Variants in CNTNAP2 observed in about 807,000 individuals in gnomAD.
The protein encoded by CNTNAP2 is contactin associated protein 2, also known as contactin-associated protein-like 2.
A neutral mutation model predicts 155.2 loss-of-function variants in CNTNAP2; 98 were observed. The ratio of observed to expected loss-of-function variants is 0.63; its 90% CI spans 0.54 to 0.75. The LOEUF is 0.75. CNTNAP2 is among the 30% of genes least tolerant of loss of function. The probability of loss-of-function intolerance (pLI) is 0.00; values close to 1 mark genes in which losing one functional copy is unlikely to be tolerated. For synonymous variants in CNTNAP2, 651 were observed against 631.2 expected (o/e 1.03, Z -0.47); for missense variants, 1,727 against 1,688.1 (o/e 1.02, Z -0.40).
intron 4 of CNTNAP2, among the ~76,000 whole-genome samples, chr7:147,104,391 A>G (rs549676290): frequency 6.6e-6 from 1 of 152,130 alleles, no homozygotes; most frequent in Non-Finnish European, 1.5e-5. Context: ...CAAACTATAT[A>G]CAGTATTATC....
At chr7:146,434,535 A>G (rs1214545629) in intron 1 of CNTNAP2, among the ~76,000 whole-genome samples, 2 of 152,178 alleles carry the variant, frequency 1.3e-5, no homozygotes, top group Non-Finnish European at 2.9e-5. Context: ...TATAAAACAT[A>G]GAACAGAGTT....
intron 3 of CNTNAP2, among the ~76,000 whole-genome samples, chr7:146,923,650 T>C (rs1370904237): frequency 1.3e-5 from 2 of 152,188 alleles, no homozygotes; most frequent in African/African-American, 4.8e-5. Flanking sequence ...TATTATTGTT[T>C]GGCTGCTTTT....
chr7:148,247,625 CTATTTA>C (rs1216626054), intron 20 of CNTNAP2, among the ~76,000 whole-genome samples: 3 of 105,314 alleles, frequency 2.8e-5, no homozygotes, highest in African/African-American at 7.7e-5. Context: ...CTCTCTCTCT[CTATTTA>C]TTTATTTATT....
intron 13 of CNTNAP2, among the ~76,000 whole-genome samples, chr7:147,900,084 T>A (rs1386479315): frequency 1.3e-5 from 2 of 152,142 alleles, no homozygotes; most frequent in African/African-American, 2.4e-5. Context: ...TTCCCCATCT[T>A]AATAGACTTC....
chr7:147,594,340 G>A (rs1427560310), intron 12 of CNTNAP2, among the ~76,000 whole-genome samples: 1 of 152,060 alleles, frequency 6.6e-6, no homozygotes, highest in African/African-American at 2.4e-5. Flanking sequence ...GTGGCTTCAG[G>A]AGCTGGCAGT....
chr7:146,940,191 TTTTTTA>T (rs1797021009), intron 3 of CNTNAP2, among the ~76,000 whole-genome samples: 3 of 152,016 alleles, frequency 2.0e-5, no homozygotes, highest in African/African-American at 7.2e-5. Flanking sequence ...GTCCCTTTCT[TTTTTTA>T]TTTTTATTAT....
At chr7:146,729,078 C>CCACG (rs1161973573) in intron 1 of CNTNAP2, among the ~76,000 whole-genome samples, 2 of 152,140 alleles carry the variant, frequency 1.3e-5, no homozygotes, top group Non-Finnish European at 2.9e-5. Context: ...TGGGGCTGAT[C>CCACG]CACGCGGAGC....
At chr7:147,185,268 A>G (rs7455408) in intron 8 of CNTNAP2, among the ~76,000 whole-genome samples, 1 of 152,216 alleles carries the variant, frequency 6.6e-6, no homozygotes, top group South Asian at 2.1e-4. Flanking sequence ...ACCAATTGGT[A>G]TAAATATATT....
At chr7:146,305,235 G>A (rs1018750599) in intron 1 of CNTNAP2, among the ~76,000 whole-genome samples, 1 of 152,142 alleles carries the variant, frequency 6.6e-6, no homozygotes, top group Non-Finnish European at 1.5e-5. Flanking sequence ...TTAGCTCAGA[G>A]AAGTTTGTTG....
intron 3 of CNTNAP2, among the ~76,000 whole-genome samples, chr7:147,010,186 T>C (rs554764459): frequency 1.3e-5 from 2 of 151,948 alleles, no homozygotes; most frequent in Non-Finnish European, 2.9e-5. Flanking sequence ...ATTTTTGTAT[T>C]TTTAATAGAG....
At chr7:147,790,526 C>A (rs1797803353) in intron 13 of CNTNAP2, among the ~76,000 whole-genome samples, 1 of 152,226 alleles carries the variant, frequency 6.6e-6, no homozygotes, top group African/African-American at 2.4e-5. Flanking sequence ...ACCCTACGTT[C>A]TCTACGCTAC....
At chr7:147,877,756 A>C (rs538953675) in intron 13 of CNTNAP2, among the ~76,000 whole-genome samples, 8 of 151,594 alleles carry the variant, frequency 5.3e-5, no homozygotes, top group African/African-American at 1.7e-4. Flanking sequence ...TTGTTTGTTT[A>C]TCTTTGTTGT....
intron 3 of CNTNAP2, among the ~76,000 whole-genome samples, chr7:146,874,416 T>G (rs531171202): frequency 6.6e-6 from 1 of 152,206 alleles, no homozygotes; most frequent in Non-Finnish European, 1.5e-5. Flanking sequence ...CTTGGCTCAC[T>G]GTAACCGCTG....
rs75903274 is a variant in CNTNAP2 at position 147,478,961 on chromosome 7, G to A, written c.1671-6974G>A. 1.6e-3 allele frequency among the ~76,000 whole-genome samples: 247 copies of A among 152,354 alleles called. 2 individuals are homozygous for A. Among genetic ancestry groups the A allele is most frequent in the Non-Finnish European group, 2.7e-3 (183 of 68,034 alleles). ...TCTAAAAGGCACAGGCCACGTGAAG[G>A]AGGCTAGATACTTGAGCAAGAGCAG... is the stretch of plus-strand genomic sequence containing the variant. On this transcript the variant is annotated intron_variant, in intron 10 of 23. Coordinates refer to ENST00000361727, the MANE Select transcript of CNTNAP2 (RefSeq NM_014141.6).
At chr7:146,542,517 TC>T (rs1797967485) in intron 1 of CNTNAP2, among the ~76,000 whole-genome samples, 1 of 151,828 alleles carries the variant, frequency 6.6e-6, no homozygotes, top group Non-Finnish European at 1.5e-5. Flanking sequence ...TTCAGACCAA[TC>T]CCTGCTAAGG....
chr7:147,148,751 T>G (rs1432340836), intron 8 of CNTNAP2, among the ~76,000 whole-genome samples: 2 of 151,976 alleles, frequency 1.3e-5, no homozygotes, highest in East Asian at 3.9e-4. Context: ...CATCTGGAGT[T>G]GTTTATTCCT....
At chr7:147,723,986 T>A in intron 13 of CNTNAP2, among the ~76,000 whole-genome samples, 1 of 151,948 alleles carries the variant, frequency 6.6e-6, no homozygotes, top group Non-Finnish European at 1.5e-5. Flanking sequence ...CTGCACAGTG[T>A]ATTTTTTCTC....
At chr7:146,289,554 T>C (rs1800395268) in intron 1 of CNTNAP2, among the ~76,000 whole-genome samples, 2 of 151,232 alleles carry the variant, frequency 1.3e-5, no homozygotes, top group African/African-American at 2.5e-5. Flanking sequence ...TTTTCATTAT[T>C]CACCATTGTG....
intron 8 of CNTNAP2, among the ~76,000 whole-genome samples, chr7:147,175,127 T>G (rs566545964): frequency 6.6e-6 from 1 of 152,028 alleles, no homozygotes; most frequent in African/African-American, 2.4e-5. Context: ...CAGCTGAACT[T>G]CATTAGCCAT....
Sources: allele counts gnomAD v4.1 joint callset (sites outside exome capture counted in the v4.1 genomes callset), GRCh38; gene constraint gnomAD v4.1.1; transcripts MANE v1.5; gene names NCBI Gene and HGNC (gene_info 2026-07-23, HGNC 2026-07-21).